Variants in RBFOX1 observed in about 807,000 individuals in gnomAD.
The protein encoded by RBFOX1 is RNA binding fox-1 homolog 1.
A neutral mutation model predicts 57.7 loss-of-function variants in RBFOX1; 8 were observed. That is an observed-to-expected ratio of 0.14 (90% CI 0.08 to 0.25). RBFOX1 has a LOEUF of 0.25. RBFOX1 is among the 10% of genes least tolerant of loss of function. The pLI is 1.00. For synonymous variants in RBFOX1, 326 were observed against 222.4 expected, an observed-to-expected ratio of 1.47 and a Z score of -4.15; for missense variants, 611 against 548.5, an observed-to-expected ratio of 1.11 and a Z score of -1.14.
chr16:6,073,259 A>G (rs2095858067), intron 1 of RBFOX1, among the ~76,000 whole-genome samples: 1 of 152,216 alleles, frequency 6.6e-6, no homozygotes, highest in Non-Finnish European at 1.5e-5. Flanking sequence ...TAAGACAAAA[A>G]TGACTCTGAT....
intron 4 of RBFOX1, among the ~76,000 whole-genome samples, chr16:5,895,421 G>A (rs1344410416): frequency 6.6e-6 from 1 of 152,174 alleles, no homozygotes; most frequent in African/African-American, 2.4e-5. Context: ...ACTCATGGCT[G>A]GACTCTCTAG....
Position 6,236,629 on chromosome 16 carries a change from T to G in RBFOX1, c.-126-80366T>G, listed in dbSNP as rs563859586. Among the ~76,000 whole-genome samples, 8 of 152,182 alleles carry G rather than the reference T, an allele frequency of 5.3e-5. No individual in the cohort carries two copies. In the South Asian group the frequency reaches 1.7e-3, roughly 32 times the overall value. The stretch of plus-strand genomic sequence containing the variant: ...TGTTTATTTATTTATTTTTGTATTT[T>G]TAGTAGAGGTGGGGTTTCACCATGT... On this transcript the variant is annotated intron_variant, in intron 1 of 15. Transcript: ENST00000550418.
rs1284538604 is a variant in RBFOX1, at chr16:5,785,568, C to A, written c.319-81735C>A. Among the ~76,000 whole-genome samples the A allele has an allele frequency of 2.0e-5, 3 of 152,006 alleles. No homozygotes were observed. In the South Asian group the frequency reaches 6.2e-4, roughly 32 times the overall value. ...TTGAGGCGGAGTTTCACTCTTGTTG[C>A]CCAGACTGGAGTGCAATGGCATGAT... On this transcript the variant is annotated intron_variant, in intron 3 of 19. Transcript: ENST00000641259.
intron 14 of RBFOX1, among the ~76,000 whole-genome samples, chr16:7,695,373 C>T (rs1417898745): frequency 1.4e-5 from 2 of 146,608 alleles, no homozygotes; most frequent in Non-Finnish European, 1.5e-5. Context: ...TGAAAGCCTT[C>T]TAGGGCATCA....
chr16:5,624,517 C>T (rs1157861375), intron 3 of RBFOX1, among the ~76,000 whole-genome samples: 2 of 152,210 alleles, frequency 1.3e-5, no homozygotes, highest in East Asian at 1.9e-4. Context: ...TTTTAAAGCT[C>T]GTACCCAGGT....
At chr16:7,011,248 A>T (rs990226784) in intron 3 of RBFOX1, among the ~76,000 whole-genome samples, 1 of 152,178 alleles carries the variant, frequency 6.6e-6, no homozygotes, top group African/African-American at 2.4e-5. Context: ...GGCTTTTGCA[A>T]CATTAACTTA....
At chr16:7,040,012 T>TTAC (rs1256252466) in intron 3 of RBFOX1, among the ~76,000 whole-genome samples, 3 of 150,828 alleles carry the variant, frequency 2.0e-5, no homozygotes, top group African/African-American at 4.9e-5. Context: ...TTTATTATTA[T>TTAC]TATTATTATC....
At chr16:7,572,241 C>T (rs779367016) in intron 5 of RBFOX1, among the ~76,000 whole-genome samples, 3 of 152,178 alleles carry the variant, frequency 2.0e-5, no homozygotes, top group Admixed American at 6.5e-5. Flanking sequence ...CACTCTAAAG[C>T]ATCCAGGACA....
At chr16:7,385,782 C>G (rs1340679992) in intron 4 of RBFOX1, among the ~76,000 whole-genome samples, 1 of 151,998 alleles carries the variant, frequency 6.6e-6, no homozygotes, top group Non-Finnish European at 1.5e-5. Context: ...GAGATAGAGT[C>G]TCGCTGTGTC....
chr16:5,797,901 C>T (rs1020681229), intron 3 of RBFOX1, among the ~76,000 whole-genome samples: 1 of 152,150 alleles, frequency 6.6e-6, no homozygotes, highest in African/African-American at 2.4e-5. Flanking sequence ...GATGTCCGCA[C>T]TCCATCTGCT....
intron 3 of RBFOX1, among the ~76,000 whole-genome samples, chr16:6,667,661 A>G (rs2154106069): frequency 6.6e-6 from 1 of 152,228 alleles, no homozygotes. Context: ...TGGGAGGATT[A>G]CTTGAGCTCG....
intron 4 of RBFOX1, among the ~76,000 whole-genome samples, chr16:7,140,010 C>T (rs2073234469): frequency 6.6e-6 from 1 of 151,948 alleles, no homozygotes; most frequent in Admixed American, 6.6e-5. Flanking sequence ...TCCCAGGACA[C>T]CTGGAAAAAG....
intron 4 of RBFOX1, among the ~76,000 whole-genome samples, chr16:7,232,150 A>G (rs2093536198): frequency 6.6e-6 from 1 of 152,094 alleles, no homozygotes; most frequent in Non-Finnish European, 1.5e-5. Context: ...CAGCCTCCTG[A>G]GTAGCTGAGA....
intron 2 of RBFOX1, among the ~76,000 whole-genome samples, chr16:5,470,254 C>T (rs2069089095): frequency 6.6e-6 from 1 of 152,172 alleles, no homozygotes; most frequent in African/African-American, 2.4e-5. Context: ...CTAGGCTGTG[C>T]ACTGGGCTTG....
At chr16:7,160,774 C>A (rs1036540661) in intron 4 of RBFOX1, among the ~76,000 whole-genome samples, 2 of 147,724 alleles carry the variant, frequency 1.4e-5, no homozygotes, top group African/African-American at 5.1e-5. Context: ...TCCTCCGCCT[C>A]CCCCTTTTTT....
chr16:7,590,171 G>A (rs1207429867), intron 7 of RBFOX1, among the ~76,000 whole-genome samples: 1 of 152,014 alleles, frequency 6.6e-6, no homozygotes, highest in African/African-American at 2.4e-5. Context: ...GGAGGCTGAG[G>A]CAGGAGGATT....
intron 4 of RBFOX1, among the ~76,000 whole-genome samples, chr16:7,420,996 G>T (rs2098537665): frequency 6.7e-6 from 1 of 149,056 alleles, no homozygotes; most frequent in African/African-American, 2.5e-5. Context: ...CTTTCCTGAG[G>T]CTGTACAGAC....
chr16:5,765,267 C>T lies in RBFOX1; in HGVS notation c.319-102036C>T, dbSNP rs77286371. ...ACAAGAACAGGGCCAAGGATACCAG[C>T]AGCAGAGCACTCCCCCAGTCTAAGA... is the stretch of plus-strand genomic sequence containing the variant. On this transcript the variant is annotated intron_variant, in intron 3 of 19. Transcript: ENST00000641259. Among the ~76,000 whole-genome samples, 628 of 152,302 alleles carry T rather than the reference C, an allele frequency of 4.1e-3. 24 individuals are homozygous for T. The South Asian group carries it at 0.065, about 16-fold the overall frequency.
At chr16:5,719,557 C>T (rs990640604) in intron 3 of RBFOX1, among the ~76,000 whole-genome samples, 8 of 152,030 alleles carry the variant, frequency 5.3e-5, no homozygotes, top group South Asian at 2.1e-4. Flanking sequence ...TAAGCAGTAA[C>T]TCCCCATTTT....
Sources: gnomAD v4.1 joint callset for allele counts (sites outside exome capture counted in the v4.1 genomes callset) on GRCh38, gnomAD v4.1.1 for gene constraint, MANE v1.5 for transcripts, NCBI Gene and HGNC (gene_info 2026-07-23, HGNC 2026-07-21) for gene names.